Variants in LRMDA observed in about 807,000 individuals in gnomAD.
The protein encoded by LRMDA is leucine rich melanocyte differentiation associated, also known as leucine-rich melanocyte differentiation-associated protein.
A neutral mutation model predicts 29.8 loss-of-function variants in LRMDA; 18 were observed. The ratio of observed to expected loss-of-function variants is 0.60; its 90% CI spans 0.42 to 0.90. LRMDA has a LOEUF of 0.90. LRMDA is among the 40% of genes least tolerant of loss of function. The probability of loss-of-function intolerance (pLI) is 0.00; values close to 1 mark genes in which losing one functional copy is unlikely to be tolerated. For synonymous variants in LRMDA, 125 were observed against 109.4 expected (o/e 1.14, Z -0.89); for missense variants, 273 against 273.9 (o/e 1.00, Z 0.02).
intron 2 of LRMDA, among the ~76,000 whole-genome samples, chr10:75,618,374 CTCTCTCTCTA>C (rs752721825): frequency 0.077 from 7,186 of 93,468 alleles, 189 homozygotes; most frequent in Admixed American, 0.094. Context: ...CTCTCTCTCT[CTCTCTCTCTA>C]TATATATATA....
At chr10:76,414,462 A>C (rs1841994525) in intron 6 of LRMDA, among the ~76,000 whole-genome samples, 1 of 152,056 alleles carries the variant, frequency 6.6e-6, no homozygotes, top group South Asian at 2.1e-4. Context: ...GCAACCCTAC[A>C]AGTGCTGGGC....
chr10:75,983,317 T>G (rs1847206538), intron 2 of LRMDA, among the ~76,000 whole-genome samples: 1 of 152,174 alleles, frequency 6.6e-6, no homozygotes, highest in African/African-American at 2.4e-5. Context: ...TTGGAAAGTC[T>G]TTCTTCATTT....
intron 6 of LRMDA, among the ~76,000 whole-genome samples, chr10:76,467,953 T>A (rs1842580431): frequency 6.6e-6 from 1 of 152,214 alleles, no homozygotes; most frequent in South Asian, 2.1e-4. Context: ...ATTGATAAAT[T>A]CAGCTGATTC....
intron 2 of LRMDA, among the ~76,000 whole-genome samples, chr10:75,448,632 A>C (rs1230938040): frequency 1.3e-5 from 2 of 152,156 alleles, no homozygotes; most frequent in Admixed American, 6.5e-5. Flanking sequence ...AGGGATGGCA[A>C]ATGTTGTCAG....
chr10:75,781,416 G>A (rs1843381519), intron 2 of LRMDA, among the ~76,000 whole-genome samples: 1 of 152,092 alleles, frequency 6.6e-6, no homozygotes, highest in Non-Finnish European at 1.5e-5. Context: ...TAATTAATTG[G>A]TTATTGATTT....
At chr10:75,441,566 T>G (rs1007883040) in intron 2 of LRMDA, among the ~76,000 whole-genome samples, 10 of 152,210 alleles carry the variant, frequency 6.6e-5, no homozygotes, top group Non-Finnish European at 1.5e-4. Flanking sequence ...CACAGAGAAT[T>G]TCTCCCTGGC....
At chr10:75,474,984 A>C (rs980157332) in intron 2 of LRMDA, among the ~76,000 whole-genome samples, 1 of 152,156 alleles carries the variant, frequency 6.6e-6, no homozygotes, top group South Asian at 2.1e-4. Context: ...CTCTGTGTTC[A>C]TTGAAGGTGG....
chr10:76,294,816 A>G (rs758287817), intron 5 of LRMDA, among the ~76,000 whole-genome samples: 1 of 152,152 alleles, frequency 6.6e-6, no homozygotes, highest in South Asian at 2.1e-4. Flanking sequence ...TATTTGACTG[A>G]GGTTTGATAT....
chr10:76,012,959 G>A (rs1479401737), intron 2 of LRMDA, among the ~76,000 whole-genome samples: 1 of 152,156 alleles, frequency 6.6e-6, no homozygotes, highest in Non-Finnish European at 1.5e-5. Context: ...AGGGATGCCT[G>A]TGCTTCAGAG....
At chr10:75,620,295 A>G (rs1278580375) in intron 2 of LRMDA, among the ~76,000 whole-genome samples, 1 of 152,238 alleles carries the variant, frequency 6.6e-6, no homozygotes, top group African/African-American at 2.4e-5. Flanking sequence ...TCAGGCATGT[A>G]TGCAAAAACT....
At chr10:75,802,801 G>A (rs889282203) in intron 2 of LRMDA, among the ~76,000 whole-genome samples, 7 of 151,936 alleles carry the variant, frequency 4.6e-5, no homozygotes, top group African/African-American at 1.7e-4. Flanking sequence ...TCTATAAAGA[G>A]TACAAATTAT....
intron 6 of LRMDA, among the ~76,000 whole-genome samples, chr10:76,382,399 A>T (rs1183329012): frequency 6.6e-6 from 1 of 152,176 alleles, no homozygotes; most frequent in African/African-American, 2.4e-5. Context: ...AAAGACAATC[A>T]CTTGGTGGCC....
In LRMDA at chr10:76,098,294, A is replaced by G. The variant is rs1047028292; in HGVS notation, c.516+39511A>G. Among the ~76,000 whole-genome samples the G allele has an allele frequency of 1.2e-4, 19 of 152,312 alleles. 1 individual carries two copies. Among genetic ancestry groups the G allele is most frequent in the African/African-American group, 4.6e-4 (19 of 41,576 alleles). The stretch of plus-strand genomic sequence containing the variant: ...ATATCTAATGAATATAGATACATTC[A>G]TTAGACATGTAGTTTTTTATCACTT... On this transcript the variant is annotated intron_variant, in intron 5 of 6. Coordinates refer to ENST00000611255, the MANE Select transcript of LRMDA (RefSeq NM_001305581.2).
chr10:76,441,698 C>T (rs1335263605), intron 6 of LRMDA, among the ~76,000 whole-genome samples: 1 of 152,118 alleles, frequency 6.6e-6, no homozygotes, highest in South Asian at 2.1e-4. Context: ...GGCTCTGCCC[C>T]CCTCTCCTCT....
rs540740850 is a variant in LRMDA at position 76,026,897 on chromosome 10, T to C, written c.132-9111T>C. Among the ~76,000 whole-genome samples, 168 of 152,360 alleles carry C rather than the reference T, an allele frequency of 1.1e-3. 1 individual carries two copies. Among genetic ancestry groups the C allele is most frequent in the African/African-American group, 3.8e-3 (160 of 41,596 alleles). On this transcript the variant is annotated intron_variant, in intron 2 of 6. Coordinates refer to ENST00000611255, the MANE Select transcript of LRMDA (RefSeq NM_001305581.2). Reference sequence around the variant, plus strand: ...ATTTTAGCCTCTGTTCAAATAAGTATAGTGGCTCTGAGGGCAGCTCATCCT... The same window carrying C: ...ATTTTAGCCTCTGTTCAAATAAGTACAGTGGCTCTGAGGGCAGCTCATCCT...
chr10:76,180,822 T>TAA (rs963923465), intron 5 of LRMDA, among the ~76,000 whole-genome samples: 1 of 152,222 alleles, frequency 6.6e-6, no homozygotes, highest in Non-Finnish European at 1.5e-5. Flanking sequence ...TTGGAATCTC[T>TAA]AATGCTTGAA....
chr10:75,889,590 A>T (rs2132352152), intron 2 of LRMDA, among the ~76,000 whole-genome samples: 1 of 152,282 alleles, frequency 6.6e-6, no homozygotes, highest in East Asian at 1.9e-4. Context: ...AAGAATGGTG[A>T]GATTGGGTGA....
At chr10:76,536,286 G>T (rs1175252319) in intron 6 of LRMDA, among the ~76,000 whole-genome samples, 1 of 152,100 alleles carries the variant, frequency 6.6e-6, no homozygotes, top group Non-Finnish European at 1.5e-5. Context: ...TTTCCCAATG[G>T]TGTCTCTTGT....
chr10:76,146,900 G>A (rs972718983), intron 5 of LRMDA, among the ~76,000 whole-genome samples: 11 of 152,058 alleles, frequency 7.2e-5, no homozygotes, highest in Non-Finnish European at 1.5e-4. Context: ...AAATCTCTCA[G>A]CATTTGCTTG....
Sources: gnomAD v4.1 joint callset for allele counts (sites outside exome capture counted in the v4.1 genomes callset) on GRCh38, gnomAD v4.1.1 for gene constraint, MANE v1.5 for transcripts, NCBI Gene and HGNC (gene_info 2026-07-23, HGNC 2026-07-21) for gene names.